GIGYF2: variants seen among roughly 807,000 people sequenced by gnomAD.
The protein encoded by GIGYF2 is GRB10-interacting GYF protein 2.
GIGYF2 carries 25 observed loss-of-function variants against 208.1 expected under a neutral mutation model. That is an observed-to-expected ratio of 0.12 (90% CI 0.09 to 0.17). The LOEUF is 0.17. GIGYF2 is among the 10% of genes least tolerant of loss of function. The pLI, the probability that GIGYF2 is intolerant of heterozygous loss-of-function variation, is 1.00. For synonymous variants in GIGYF2, 534 were observed against 543.8 expected, an observed-to-expected ratio of 0.98 and a Z score of 0.25; for missense variants, 1,302 against 1,579.4, an observed-to-expected ratio of 0.82 and a Z score of 2.98.
chr2:232,795,911 G>A, intron 13 of GIGYF2, 151 bp from the exon 14 acceptor site: 1 of 668,910 alleles, frequency 1.5e-6, no homozygotes, highest in East Asian at 2.7e-5. Flanking sequence ...CTGTTTCATG[G>A]CATTGTTGGG....
intron 2 of GIGYF2, chr2:232,705,905 A>T (rs578074407): frequency 6.6e-6 from 1 of 151,766 alleles, no homozygotes; most frequent in Non-Finnish European, 1.5e-5. Context: ...GGGTTTCACC[A>T]TGTTGGCCAG....
At position 232,756,246 on chromosome 2, in the gene GIGYF2, T is replaced by C; in HGVS notation, c.291T>C (p.Asn97=). ...AGAGAAACTTTTCCATGTCTGTAAA[T>C]AGTGCTGCTGTCCTGCGATTGACAG... ...EEQRNFSMSV[N]SAAVLRLTGR... The change falls in exon 6 of 29, where the codon AAT becomes AAC. Residue 97 remains asparagine (N), a synonymous_variant. Coordinates refer to ENST00000373563, the MANE Select transcript of GIGYF2 (RefSeq NM_001103146.3). 2 of 1,460,344 alleles carry C rather than the reference T, an allele frequency of 1.4e-6. No homozygotes were observed. Among genetic ancestry groups the C allele is most frequent in the Non-Finnish European group, 1.9e-6 (2 of 1,063,084 alleles). The allele number at this position is 1,460,344 out of a possible 1,614,324, so 90.5% of individuals were successfully genotyped here.
At chr2:232,768,239 TC>T in intron 8 of GIGYF2, 1 of 1,613,936 alleles carries the variant, frequency 6.2e-7, no homozygotes, top group Non-Finnish European at 8.5e-7. Flanking sequence ...CAATGCTTTG[TC>T]CATTGATGTG....
chr2:232,812,375 TA>T lies in GIGYF2; in HGVS notation c.2007-15del, dbSNP rs1700758944. On this transcript the variant is annotated splice_polypyrimidine_tract_variant and intron_variant, in intron 17 of 28. Transcript: ENST00000373563. ...AAATGACAAGAACAAGTTAATTTTT[TA>T]TTTCCCTTTTGCAGAATATCTGATC... 1.9e-6 allele frequency: 2 copies of T among 1,067,104 alleles called. No homozygotes were observed. Among genetic ancestry groups the T allele is most frequent in the Non-Finnish European group, 2.9e-6 (2 of 681,308 alleles). 66.1% of individuals were successfully genotyped at this position (1,067,104 alleles called of 1,614,324 possible). A position where few individuals can be genotyped will look rare whatever the true frequency, so the allele number is the denominator to read the frequency against.
rs564294508 is a variant in GIGYF2, at chr2:232,796,197, A to C, written c.1615A>C (p.Lys539Gln). ...TGAAGCAATGCAGAAGTGGTATTACAAAGATCCTCAGGGAGAAATTCAAGG... is the reference window on the plus strand; with the variant it reads ...TGAAGCAATGCAGAAGTGGTATTACCAAGATCCTCAGGGAGAAATTCAAGG... Reference protein sequence around the residue: ...MHEAMQKWYYKDPQGEIQGPF... With the variant: ...MHEAMQKWYYQDPQGEIQGPF... The change falls in exon 14 of 29, where the codon AAA becomes CAA. Residue 539 changes from lysine to glutamine, a missense_variant. By Grantham distance (53) the Lys-to-Gln change is moderately conservative. Around this residue, in one of 8 missense-constraint regions of GIGYF2, gnomAD observed 69 missense variants for 132.8 expected, o/e 0.52. Transcript: ENST00000373563. 15 of 1,606,338 alleles carry C rather than the reference A, an allele frequency of 9.3e-6. No individual in the cohort carries two copies. The East Asian group carries it at 3.3e-4, about 36-fold the overall frequency.
In GIGYF2 at chr2:232,788,241, A is replaced by G. The variant is rs966367178; in HGVS notation, c.712+912A>G. The G allele has an allele frequency of 1.8e-4, 29 of 156,942 alleles. 1 individual carries two copies. The highest frequency in any genetic ancestry group is 6.5e-4 in the African/African-American group (27 of 41,582). 9.7% of individuals were successfully genotyped at this position (156,942 alleles called of 1,614,324 possible). On this transcript the variant is annotated intron_variant, in intron 9 of 28. Transcript: ENST00000373563. ...ACTAGCTTAGATCTGGGTAGACATT[A>G]TAACAGGCATTCAGAGTATTTTAAG...
At chr2:232,757,724 C>T (rs1239637025) in intron 6 of GIGYF2, among the ~76,000 whole-genome samples, 2 of 151,496 alleles carry the variant, frequency 1.3e-5, no homozygotes, top group African/African-American at 4.9e-5. Context: ...GTGTGAATAA[C>T]ACCGACTTTT....
At chr2:232,853,999 A>T (rs184052829) in intron 28 of GIGYF2, among the ~76,000 whole-genome samples, 2 of 152,320 alleles carry the variant, frequency 1.3e-5, no homozygotes, top group Admixed American at 6.5e-5. Flanking sequence ...CTGTCTTTGC[A>T]TGAGTAAAAT....
chr2:232,823,878 C>T (rs1018705677), intron 21 of GIGYF2, among the ~76,000 whole-genome samples: 6 of 152,178 alleles, frequency 3.9e-5, no homozygotes, highest in African/African-American at 9.7e-5. Flanking sequence ...AGCCCTGCAT[C>T]GACCAAGTCT....
intron 2 of GIGYF2, among the ~76,000 whole-genome samples, chr2:232,718,743 C>A (rs999596783): frequency 6.6e-6 from 1 of 152,148 alleles, no homozygotes; most frequent in Non-Finnish European, 1.5e-5. Flanking sequence ...AAATTGCTGG[C>A]TGCTGTGGTG....
At chr2:232,784,619 T>C (rs1376549748) in intron 8 of GIGYF2, among the ~76,000 whole-genome samples, 10 of 150,730 alleles carry the variant, frequency 6.6e-5, no homozygotes, top group East Asian at 3.9e-4. Flanking sequence ...CCTCGTGATC[T>C]GCCCGCCTTA....
chr2:232,854,888 G>A (rs1211180894), intron 28 of GIGYF2, among the ~76,000 whole-genome samples: 1 of 152,072 alleles, frequency 6.6e-6, no homozygotes, highest in Admixed American at 6.6e-5. Context: ...TTACTTTTTG[G>A]TATTCAAATA....
Position 232,790,795 on chromosome 2 carries a change from G to A in GIGYF2, c.810G>A (p.Arg270=), listed in dbSNP as rs200724513. 1 of 1,614,000 alleles carries A rather than the reference G, an allele frequency of 6.2e-7. No homozygotes were observed. The highest frequency in any genetic ancestry group is 1.3e-5 in the African/African-American group (1 of 74,908). The change falls in exon 10 of 29, where the codon AGG becomes AGA. Residue 270 remains arginine, a synonymous_variant. Coordinates refer to ENST00000373563, the MANE Select transcript of GIGYF2 (RefSeq NM_001103146.3). Reference sequence around the variant, plus strand: ...GAGATGATGAACGGGGTTACCGAAGGGTTCGCTCTGGCAGTGGGAGCATAG... The same window carrying A: ...GAGATGATGAACGGGGTTACCGAAGAGTTCGCTCTGGCAGTGGGAGCATAG... ...RDRDDERGYR[R]VRSGSGSIDD... is the part of the protein sequence containing the mutation.
intron 3 of GIGYF2, chr2:232,735,603 G>C (rs1181850669): frequency 2.0e-6 from 1 of 511,542 alleles, no homozygotes; most frequent in Non-Finnish European, 2.6e-6. Flanking sequence ...TATCATTGCT[G>C]TTCATAGATT....
At position 232,809,713 on chromosome 2, in the gene GIGYF2, T is replaced by A. The variant is rs750196727; in HGVS notation, c.1807-7T>A. ...TGGTATTTATTTCCTCACCACTTCA[T>A]TCCTAGGGAGAGCTGGACCAGGAAC... is the stretch of plus-strand genomic sequence containing the variant. On this transcript the variant is annotated splice_polypyrimidine_tract_variant and splice_region_variant and intron_variant, in intron 15 of 28. Coordinates refer to ENST00000373563, the MANE Select transcript of GIGYF2 (RefSeq NM_001103146.3). 1.9e-6 allele frequency: 3 copies of A among 1,571,038 alleles called. No homozygotes were observed. The East Asian group carries it at 6.7e-5, about 35-fold the overall frequency.
chr2:232,709,408 A>G (rs1336227420), intron 2 of GIGYF2, among the ~76,000 whole-genome samples: 2 of 152,210 alleles, frequency 1.3e-5, no homozygotes, highest in Non-Finnish European at 2.9e-5. Flanking sequence ...GCTGCAGCCT[A>G]GAACTCCTGA....
At chr2:232,797,972 CTG>C (rs1388272971) in intron 14 of GIGYF2, among the ~76,000 whole-genome samples, 1 of 128,754 alleles carries the variant, frequency 7.8e-6, no homozygotes, top group Non-Finnish European at 1.6e-5. Flanking sequence ...CAGAGTGAGA[CTG>C]TGCCTCCAAA....
intron 2 of GIGYF2, among the ~76,000 whole-genome samples, chr2:232,709,482 C>T (rs529675591): frequency 6.6e-6 from 1 of 152,240 alleles, no homozygotes; most frequent in East Asian, 1.9e-4. Flanking sequence ...GCCCATCACA[C>T]CAAGCCAATT....
Position 232,790,808 on chromosome 2 carries a change from A to G in GIGYF2, c.823A>G (p.Ser275Gly), listed in dbSNP as rs556987418. ...ERGYRRVRSG[S>G]GSIDDDRDSL... is the part of the protein sequence containing the mutation. The stretch of plus-strand genomic sequence containing the variant: ...GGGTTACCGAAGGGTTCGCTCTGGC[A>G]GTGGGAGCATAGATGATGACAGGGA... Residue 275 changes from serine to glycine, a missense_variant, in exon 10 of 29, where the codon AGT becomes GGT. Physicochemically the swap from Ser to Gly is moderately conservative, Grantham distance 56 (BLOSUM62 0). This residue lies in a region of GIGYF2 where 50 missense variants were observed against 42.3 expected (regional missense o/e 1.18). Transcript: ENST00000373563. 24 of 1,614,092 alleles carry G rather than the reference A, an allele frequency of 1.5e-5. 1 individual carries two copies. In the South Asian group the frequency reaches 2.5e-4, roughly 17 times the overall value.
Sources: allele counts gnomAD v4.1 joint callset (sites outside exome capture counted in the v4.1 genomes callset), GRCh38; gene constraint gnomAD v4.1.1; regional missense constraint gnomAD v4.1.1; transcripts MANE v1.5; gene names NCBI Gene and HGNC (gene_info 2026-07-23, HGNC 2026-07-21).